Variants in CALN1 observed in about 807,000 individuals in gnomAD.
CALN1 encodes the protein calneuron 1.
Under a neutral mutation model 30.6 loss-of-function variants are expected in CALN1, and 17 were observed. The ratio of observed to expected loss-of-function variants is 0.56; its 90% CI spans 0.38 to 0.83. CALN1 has a LOEUF of 0.83. Among genes scored for constraint, CALN1 ranks in the 40% least tolerant of loss-of-function variants. The pLI is 0.00. For synonymous variants in CALN1, 156 were observed against 131.4 expected (o/e 1.19, Z -1.28); for missense variants, 291 against 354.9 (o/e 0.82, Z 1.45).
intron 4 of CALN1, among the ~76,000 whole-genome samples, chr7:72,065,405 G>A (rs544008718): frequency 6.7e-6 from 1 of 148,672 alleles, no homozygotes; most frequent in Admixed American, 6.9e-5. Context: ...GCTGGTCCTT[G>A]TTATAGTCTT....
At chr7:72,005,005 G>C (rs770125305) in intron 5 of CALN1, among the ~76,000 whole-genome samples, 1 of 152,158 alleles carries the variant, frequency 6.6e-6, no homozygotes, top group Non-Finnish European at 1.5e-5. Context: ...AAGCTGGTGA[G>C]AATCAGAAAA....
chr7:71,852,606 G>GA (rs1338594123), intron 5 of CALN1, among the ~76,000 whole-genome samples: 5 of 150,138 alleles, frequency 3.3e-5, no homozygotes, highest in Non-Finnish European at 5.9e-5. Flanking sequence ...TGCCTCAAAA[G>GA]AAAAAAAAAG....
chr7:71,950,115 A>T (rs1796614029), intron 5 of CALN1, among the ~76,000 whole-genome samples: 2 of 152,080 alleles, frequency 1.3e-5, no homozygotes, highest in Admixed American at 6.5e-5. Flanking sequence ...TCCTTGCTTC[A>T]TTTGTGCATT....
the CALN1 span, among the ~76,000 whole-genome samples, chr7:72,477,993 G>A: frequency 1.3e-5 from 2 of 152,124 alleles, no homozygotes; most frequent in Admixed American, 6.6e-5. Context: ...GCTGCATTAA[G>A]ACAGGAACCA....
At chr7:72,179,589 CAT>C (rs1451808006) in intron 3 of CALN1, among the ~76,000 whole-genome samples, 1 of 151,670 alleles carries the variant, frequency 6.6e-6, no homozygotes, top group Non-Finnish European at 1.5e-5. Context: ...AATATAAGCA[CAT>C]GTGTGTACAT....
chr7:71,889,274 G>A (rs546930510), intron 5 of CALN1, among the ~76,000 whole-genome samples: 5 of 152,248 alleles, frequency 3.3e-5, no homozygotes, highest in Admixed American at 2.0e-4. Flanking sequence ...TTCTTCCTGC[G>A]TCCTCATGTG....
chr7:72,317,893 T>C (rs753297497), intron 2 of CALN1, among the ~76,000 whole-genome samples: 2 of 151,996 alleles, frequency 1.3e-5, no homozygotes, highest in African/African-American at 2.4e-5. Context: ...ATGAATGAAC[T>C]GGAAATACAG....
chr7:72,336,524 T>C (rs1004822319), intron 2 of CALN1, among the ~76,000 whole-genome samples: 1 of 151,820 alleles, frequency 6.6e-6, no homozygotes, highest in Non-Finnish European at 1.5e-5. Flanking sequence ...GCGGGGTGGG[T>C]GCCCCAGTGT....
intron 4 of CALN1, among the ~76,000 whole-genome samples, chr7:72,092,723 AT>A (rs2129539927): frequency 6.6e-6 from 1 of 151,538 alleles, no homozygotes; most frequent in Admixed American, 6.6e-5. Flanking sequence ...CCTTCTGGGC[AT>A]ATAGTTGGGT....
At chr7:71,878,691 T>C (rs1389274914) in intron 5 of CALN1, among the ~76,000 whole-genome samples, 2 of 152,114 alleles carry the variant, frequency 1.3e-5, no homozygotes. Flanking sequence ...AACACAAAAA[T>C]GCCCATGAAA....
At chr7:71,926,396 G>A (rs1414010361) in intron 5 of CALN1, among the ~76,000 whole-genome samples, 2 of 152,140 alleles carry the variant, frequency 1.3e-5, no homozygotes, top group Non-Finnish European at 1.5e-5. Flanking sequence ...AAACCAATGA[G>A]CTTCTCCACT....
chr7:72,105,941 C>T (rs1807075010), intron 4 of CALN1, among the ~76,000 whole-genome samples: 1 of 152,030 alleles, frequency 6.6e-6, no homozygotes, highest in Non-Finnish European at 1.5e-5. Context: ...TCTTTCCTCA[C>T]CCCATCCTAT....
At chr7:72,289,691 AAAT>A (rs1798340690) in intron 2 of CALN1, among the ~76,000 whole-genome samples, 1 of 152,164 alleles carries the variant, frequency 6.6e-6, no homozygotes, top group Non-Finnish European at 1.5e-5. Flanking sequence ...ACAAAATCAC[AAAT>A]AATAGTAAAA....
intron 3 of CALN1, among the ~76,000 whole-genome samples, chr7:72,181,282 T>C (rs1585107156): frequency 1.3e-5 from 2 of 149,034 alleles, no homozygotes; most frequent in African/African-American, 4.9e-5. Context: ...AAATATACAA[T>C]ATATAAAATA....
chr7:71,981,286 G>A (rs1196303061), intron 5 of CALN1, among the ~76,000 whole-genome samples: 2 of 151,910 alleles, frequency 1.3e-5, no homozygotes, highest in African/African-American at 4.8e-5. Context: ...ATCTTCCCCT[G>A]CCTTTCTGAT....
chr7:71,810,516 A>G, intron 5 of CALN1, 24 bp from the exon 6 acceptor site: 1 of 1,609,562 alleles, frequency 6.2e-7, no homozygotes, highest in South Asian at 1.1e-5. Flanking sequence ...GAGTAGTGAG[A>G]TGGTCAGAAG....
intron 2 of CALN1, among the ~76,000 whole-genome samples, chr7:72,347,862 C>T (rs1379125618): frequency 6.6e-6 from 1 of 152,128 alleles, no homozygotes; most frequent in Non-Finnish European, 1.5e-5. Flanking sequence ...GGCGAGGTGG[C>T]TCATGCTTAT....
chr7:72,170,280 CCTCT>C (rs1487278386), intron 3 of CALN1, among the ~76,000 whole-genome samples: 1 of 152,106 alleles, frequency 6.6e-6, no homozygotes, highest in African/African-American at 2.4e-5. Context: ...TGCCTGGCTA[CCTCT>C]CTAACTCTTT....
At chr7:72,324,441 G>A (rs1352761324) in intron 2 of CALN1, among the ~76,000 whole-genome samples, 1 of 151,786 alleles carries the variant, frequency 6.6e-6, no homozygotes, top group Non-Finnish European at 1.5e-5. Flanking sequence ...CCTGCCTCTT[G>A]CATTTACCTT....
Sources: allele counts gnomAD v4.1 joint callset (sites outside exome capture counted in the v4.1 genomes callset), GRCh38; gene constraint gnomAD v4.1.1; transcripts MANE v1.5; gene names NCBI Gene and HGNC (gene_info 2026-07-23, HGNC 2026-07-21).